Variants in LEKR1 observed in about 807,000 individuals in gnomAD.
The protein encoded by LEKR1 is leucine, glutamate and lysine rich 1.
LEKR1 carries 59 observed loss-of-function variants against 72.4 expected under a neutral mutation model. The observed-to-expected ratio is 0.82, with a 90% CI of 0.66 to 1.01. The LOEUF (loss-of-function observed/expected upper bound fraction) is 1.01, where lower values mean the gene tolerates loss of function less well. Among genes scored for constraint, LEKR1 ranks in the 50% least tolerant of loss-of-function variants. The pLI, the probability that LEKR1 is intolerant of heterozygous loss-of-function variation, is 0.00. For synonymous variants in LEKR1, 257 were observed against 263.2 expected (o/e 0.98, Z 0.23); for missense variants, 728 against 759.2 (o/e 0.96, Z 0.48).
intron 9 of LEKR1, among the ~76,000 whole-genome samples, chr3:157,002,250 C>T (rs957232538): frequency 1.3e-5 from 2 of 152,112 alleles, no homozygotes; most frequent in Non-Finnish European, 2.9e-5. Context: ...AAAATATGTA[C>T]TATGCCTTTA....
intron 10 of LEKR1, among the ~76,000 whole-genome samples, chr3:157,020,871 T>C (rs1733780874): frequency 6.6e-6 from 1 of 151,672 alleles, no homozygotes; most frequent in African/African-American, 2.4e-5. Flanking sequence ...TCCACAATGG[T>C]TGAACTAGTT....
intron 6 of LEKR1, among the ~76,000 whole-genome samples, chr3:156,951,759 G>T (rs1727177808): frequency 6.6e-6 from 1 of 151,134 alleles, no homozygotes; most frequent in Non-Finnish European, 1.5e-5. Context: ...TTCCTTATTA[G>T]TCTAGCTAGT....
At chr3:156,973,778 A>G (rs943844740) in intron 6 of LEKR1, among the ~76,000 whole-genome samples, 1 of 152,160 alleles carries the variant, frequency 6.6e-6, no homozygotes, top group South Asian at 2.1e-4. Flanking sequence ...TGAGGTGCTC[A>G]GCTCCAAAAG....
At chr3:156,889,945 A>G (rs1008283538) in intron 3 of LEKR1, among the ~76,000 whole-genome samples, 2 of 152,330 alleles carry the variant, frequency 1.3e-5, no homozygotes, top group Middle Eastern at 3.4e-3. Flanking sequence ...CCTGAGTTCA[A>G]ATCTCAGCTT....
At chr3:157,007,336 G>T (rs1372254131) in intron 9 of LEKR1, among the ~76,000 whole-genome samples, 2 of 152,168 alleles carry the variant, frequency 1.3e-5, no homozygotes. Flanking sequence ...CTTCAGATGT[G>T]GCCAACCCAG....
At chr3:156,870,718 T>C (rs1235903550) in intron 3 of LEKR1, among the ~76,000 whole-genome samples, 1 of 152,094 alleles carries the variant, frequency 6.6e-6, no homozygotes, top group Non-Finnish European at 1.5e-5. Flanking sequence ...CTGAGTGGAA[T>C]AGGAGTAGTG....
chr3:156,968,965 A>G, intron 6 of LEKR1, among the ~76,000 whole-genome samples: 1 of 152,244 alleles, frequency 6.6e-6, no homozygotes, highest in Non-Finnish European at 1.5e-5. Flanking sequence ...ACTCAGGATT[A>G]AGAAACTCAC....
At chr3:156,830,741 A>T (rs1023177846) in intron 2 of LEKR1, among the ~76,000 whole-genome samples, 3 of 152,184 alleles carry the variant, frequency 2.0e-5, no homozygotes, top group African/African-American at 7.2e-5. Context: ...GAGAAAAAAA[A>T]ATCATTATAT....
rs946003909 is a variant in LEKR1, at chr3:156,853,774, CA to C, written c.263+800del. On this transcript the variant is annotated intron_variant, in intron 3 of 12. Coordinates refer to ENST00000356539, the MANE Select transcript of LEKR1 (RefSeq NM_001004316.3). ...AGCCAGATATTTCTTAGTTTTTTAC[CA>C]AAAAAAAGTTGTTATAGTTTATTTA... 9.3e-5 allele frequency among the ~76,000 whole-genome samples: 14 copies of C among 150,496 alleles called. No homozygotes were observed. In the South Asian group the frequency reaches 1.5e-3, roughly 16 times the overall value.
chr3:156,870,575 GT>G (rs1190969396), intron 3 of LEKR1, among the ~76,000 whole-genome samples: 9 of 151,952 alleles, frequency 5.9e-5, no homozygotes, highest in Admixed American at 5.9e-4. Context: ...AGATCTAAGA[GT>G]TTTTTTCATA....
chr3:156,997,406 C>T (rs1447708357), intron 9 of LEKR1, among the ~76,000 whole-genome samples: 1 of 152,198 alleles, frequency 6.6e-6, no homozygotes, highest in Non-Finnish European at 1.5e-5. Context: ...GAGGTGTGAA[C>T]ATCCCTCCAA....
rs1560064675 is a variant in LEKR1 at position 156,899,625 on chromosome 3, C to CGT, written c.264-20950_264-20949insGT. ...ACGTATATATACACACATATATACA[C>CGT]ATATATACACGCATATATACACATA... is the stretch of plus-strand genomic sequence containing the variant. On this transcript the variant is annotated intron_variant, in intron 3 of 12. Transcript: ENST00000356539. Among the ~76,000 whole-genome samples, 273 of 88,556 alleles carry CGT rather than the reference C, an allele frequency of 3.1e-3. 23 individuals are homozygous for CGT. Among genetic ancestry groups the CGT allele is most frequent in the African/African-American group, 0.013 (255 of 19,768 alleles). 58.1% of individuals were successfully genotyped at this position (88,556 alleles called of 152,430 possible). A position where few individuals can be genotyped will look rare whatever the true frequency, so the allele number is the denominator to read the frequency against.
At chr3:156,900,249 G>T (rs986482993) in intron 3 of LEKR1, among the ~76,000 whole-genome samples, 14 of 152,088 alleles carry the variant, frequency 9.2e-5, no homozygotes, top group Admixed American at 8.5e-4. Context: ...AGATTCTTAC[G>T]TAAAATCTCT....
chr3:156,852,743 G>C, intron 2 of LEKR1, 25 bp from the exon 3 acceptor site: 3 of 1,269,204 alleles, frequency 2.4e-6, no homozygotes, highest in Non-Finnish European at 3.2e-6. Context: ...AAAAAAATTT[G>C]GTAAGTGTAT....
At chr3:156,843,975 A>T (rs912854912) in intron 2 of LEKR1, among the ~76,000 whole-genome samples, 13 of 152,154 alleles carry the variant, frequency 8.5e-5, no homozygotes, top group Non-Finnish European at 1.5e-4. Flanking sequence ...AGTTCATTAG[A>T]AAAAGCATTT....
chr3:157,020,523 G>A (rs1203900759), intron 10 of LEKR1, among the ~76,000 whole-genome samples: 13 of 145,526 alleles, frequency 8.9e-5, no homozygotes, highest in African/African-American at 1.8e-4. Context: ...GTGAGAACAC[G>A]CGGTGTTTGG....
intron 6 of LEKR1, among the ~76,000 whole-genome samples, chr3:156,946,556 GTA>G (rs1726696013): frequency 6.6e-6 from 1 of 151,378 alleles, no homozygotes; most frequent in Middle Eastern, 3.2e-3. Flanking sequence ...TCCCTGCTCA[GTA>G]TGATACTAAA....
intron 3 of LEKR1, among the ~76,000 whole-genome samples, chr3:156,899,615 CATAT>C (rs768561690): frequency 2.3e-5 from 2 of 85,500 alleles, no homozygotes; most frequent in Admixed American, 1.2e-4. Context: ...TATATACACA[CATAT>C]ATACACATAT....
In LEKR1 at chr3:156,992,727, C is replaced by A; in HGVS notation, c.902C>A (p.Ser301Ter). The A allele has an allele frequency of 1.1e-6, 1 of 918,818 alleles. No individual in the cohort carries two copies. Among genetic ancestry groups the A allele is most frequent in the Non-Finnish European group, 1.4e-6 (1 of 723,238 alleles). The allele number at this position is 918,818 out of a possible 1,614,324, so 56.9% of individuals were successfully genotyped here. Residue 301 changes from serine to a stop codon, truncating the protein, a stop_gained, in exon 8 of 13, where the codon TCA (serine) becomes TAA (stop). Coordinates refer to ENST00000356539, the MANE Select transcript of LEKR1 (RefSeq NM_001004316.3). LOFTEE classifies it high-confidence loss of function. The part of the protein sequence containing the change: ...KLKFESIISE[S>*]QHTMLLKEKE... ...AAGTTTGAATCCATTATTTCTGAGT[C>A]ACAGTATGCATTACCAATTTTTAAA...
Sources: allele counts gnomAD v4.1 joint callset (sites outside exome capture counted in the v4.1 genomes callset), GRCh38; gene constraint gnomAD v4.1.1; transcripts MANE v1.5; gene names NCBI Gene and HGNC (gene_info 2026-07-23, HGNC 2026-07-21).